The following TDRD9 variants were observed in gnomAD, a reference collection of about 807,000 sequenced individuals.
TDRD9 encodes the protein tudor domain containing 9.
In TDRD9, 124 loss-of-function variants were observed where a neutral mutation model predicts 172.6. The ratio of observed to expected loss-of-function variants is 0.72; its 90% CI spans 0.62 to 0.83. TDRD9 has a LOEUF of 0.83. Among genes scored for constraint, TDRD9 ranks in the 40% least tolerant of loss-of-function variants. The probability of loss-of-function intolerance (pLI) is 0.00; values close to 1 mark genes in which losing one functional copy is unlikely to be tolerated. For synonymous variants in TDRD9, 619 were observed against 617.1 expected (o/e 1.00, Z -0.05); for missense variants, 1,479 against 1,714.1 (o/e 0.86, Z 2.42).
At chr14:103,962,511 G>A (rs1308087144) in intron 2 of TDRD9, among the ~76,000 whole-genome samples, 1 of 152,170 alleles carries the variant, frequency 6.6e-6, no homozygotes, top group African/African-American at 2.4e-5. Context: ...TTAGATTCGG[G>A]GGTGCATGTT....
Position 104,035,199 on chromosome 14 carries a change from T to C in TDRD9, c.3716+143T>C. 2.7e-5 allele frequency: 17 copies of C among 620,414 alleles called. No individual in the cohort carries two copies. The South Asian group carries it at 3.1e-4, about 11-fold the overall frequency. The allele number at this position is 620,414 out of a possible 1,614,324, so 38.4% of individuals were successfully genotyped here. A position where few individuals can be genotyped will look rare whatever the true frequency, so the allele number is the denominator to read the frequency against. ...GTCTCGCTGCTTGGGGTGAAGCCTGTATTGTTATTGATTTATTTATGCTTG... is the reference window on the plus strand; with the variant it reads ...GTCTCGCTGCTTGGGGTGAAGCCTGCATTGTTATTGATTTATTTATGCTTG... On this transcript the variant is annotated intron_variant, in intron 32 of 35. Coordinates refer to ENST00000409874, the MANE Select transcript of TDRD9 (RefSeq NM_153046.3).
chr14:103,950,388 C>G (rs1424659584), intron 1 of TDRD9, among the ~76,000 whole-genome samples: 3 of 152,214 alleles, frequency 2.0e-5, no homozygotes, highest in Non-Finnish European at 4.4e-5. Context: ...CCGCATACGG[C>G]CGGTTTCTAT....
chr14:104,006,928 G>T, intron 18 of TDRD9, 83 bp downstream of exon 18: 2 of 1,209,286 alleles, frequency 1.7e-6, no homozygotes, highest in Non-Finnish European at 2.4e-6. Flanking sequence ...ATGAGGTAGA[G>T]ACAGACAATG....
Position 103,969,122 on chromosome 14 carries a change from A to AT in TDRD9, c.766-1419_766-1418insT, listed in dbSNP as rs1566747677. Among the ~76,000 whole-genome samples, 4 of 147,532 alleles carry AT rather than the reference A, an allele frequency of 2.7e-5. No homozygotes were observed. In the East Asian group the frequency reaches 7.8e-4, roughly 29 times the overall value. ...GTAAAAAAAAAAAAGCAAAAAAAAAACCCCCCAAAAAAAACTAGCTTTAAG... is the reference window on the plus strand; with the variant it reads ...GTAAAAAAAAAAAAGCAAAAAAAAAATCCCCCCAAAAAAAACTAGCTTTAAG... On this transcript the variant is annotated intron_variant, in intron 5 of 35. Coordinates refer to ENST00000409874, the MANE Select transcript of TDRD9 (RefSeq NM_153046.3).
chr14:103,994,375 G>A lies in TDRD9; in HGVS notation c.1224G>A (p.Leu408=), dbSNP rs763901531. 2.5e-6 allele frequency: 4 copies of A among 1,613,462 alleles called. No individual in the cohort carries two copies. Among genetic ancestry groups the A allele is most frequent in the Non-Finnish European group, 3.4e-6 (4 of 1,179,682 alleles). ...ATATGCATGAACTTCTCACAAGCCT[G>A]GTTCATAAAAGGTATGTTGAAAATG... The part of the protein sequence containing the change: ...INYMHELLTS[L]VHKRLQVYPL... The change falls in exon 10 of 36, where the codon CTG becomes CTA. Residue 408 remains leucine (L), a synonymous_variant. Coordinates refer to ENST00000409874, the MANE Select transcript of TDRD9 (RefSeq NM_153046.3).
intron 20 of TDRD9, 96 bp downstream of exon 20, chr14:104,008,562 A>G (rs2034517320): frequency 1.2e-6 from 1 of 800,536 alleles, no homozygotes; most frequent in Non-Finnish European, 2.1e-6. Context: ...GTGGGTAGTA[A>G]TGAGTATTCC....
intron 15 of TDRD9, among the ~76,000 whole-genome samples, chr14:104,005,853 C>A (rs141626502): frequency 2.0e-5 from 3 of 152,178 alleles, no homozygotes; most frequent in Non-Finnish European, 4.4e-5. Context: ...TGCTCTGTTG[C>A]CTAGGCTGGA....
At chr14:104,025,457 G>A in intron 25 of TDRD9, 107 bp from the exon 26 acceptor site, 1 of 780,104 alleles carries the variant, frequency 1.3e-6, no homozygotes, top group Non-Finnish European at 2.1e-6. Flanking sequence ...ATTAACGCTG[G>A]TGAGGTGTCG....
intron 12 of TDRD9, 136 bp from the exon 13 acceptor site, chr14:103,998,488 G>A (rs913773861): frequency 2.6e-5 from 16 of 623,194 alleles, no homozygotes; most frequent in South Asian, 8.1e-5. Context: ...TGGTCGGTGC[G>A]TGGCCAAACG....
At chr14:104,016,655 A>G (rs1241047634) in intron 22 of TDRD9, among the ~76,000 whole-genome samples, 3 of 152,310 alleles carry the variant, frequency 2.0e-5, no homozygotes, top group Middle Eastern at 3.4e-3. Flanking sequence ...GGCCCTGACC[A>G]TTGAATCAGC....
chr14:103,984,716 C>T (rs964289950), intron 7 of TDRD9, among the ~76,000 whole-genome samples: 1 of 152,170 alleles, frequency 6.6e-6, no homozygotes, highest in African/African-American at 2.4e-5. Context: ...AACTGGGGCA[C>T]CACCTAATGG....
At chr14:104,001,982 T>G (rs2034274868) in intron 13 of TDRD9, among the ~76,000 whole-genome samples, 1 of 151,904 alleles carries the variant, frequency 6.6e-6, no homozygotes, top group Non-Finnish European at 1.5e-5. Context: ...ATGAGCAATG[T>G]GTGAGATCTG....
chr14:104,035,045 G>GA lies in TDRD9; in HGVS notation c.3706dup (p.Ile1236AsnfsTer6). ...TCCTCAGCATGTTATTCGCACCGGT[G>GA]ATAGAGTTAAGGTACGGGCATCCCT... On this transcript the variant is annotated frameshift_variant, in exon 32 of 36. Coordinates refer to ENST00000409874, the MANE Select transcript of TDRD9 (RefSeq NM_153046.3). LOFTEE classifies it high-confidence loss of function. 6.4e-7 allele frequency: 1 copy of GA among 1,551,552 alleles called. No individual in the cohort carries two copies. The highest frequency in any genetic ancestry group is 8.7e-7 in the Non-Finnish European group (1 of 1,146,846).
chr14:103,991,139 T>C, intron 8 of TDRD9, 21 bp from the exon 9 acceptor site: 2 of 1,613,928 alleles, frequency 1.2e-6, no homozygotes, highest in Non-Finnish European at 1.7e-6. Context: ...TTAATATTTG[T>C]GCACATCACA....
intron 13 of TDRD9, among the ~76,000 whole-genome samples, chr14:104,001,633 G>A (rs1000239944): frequency 6.6e-5 from 10 of 152,070 alleles, no homozygotes; most frequent in South Asian, 4.1e-4. Context: ...GTTTTGACAC[G>A]GAGTCTCACT....
rs1281908134 is a variant in TDRD9, at chr14:104,042,141, G to C, written c.3928G>C (p.Glu1310Gln). 4 of 1,613,754 alleles carry C rather than the reference G, an allele frequency of 2.5e-6. No homozygotes were observed. The highest frequency in any genetic ancestry group is 3.4e-6 in the Non-Finnish European group (4 of 1,179,644). ...AAATGGATGCAAGTGTCTTGGGCCA[G>C]AGAGAGTTGCGCAGCTTCAAGACAT... The part of the protein sequence containing the change: ...GPNGCKCLGP[E>Q]RVAQLQDIAR... The change falls in exon 34 of 36, where the codon GAG (glutamate) becomes CAG (glutamine). Residue 1310 changes from glutamate (E) to glutamine (Q), a missense_variant. Glu to Gln is a conservative substitution (Grantham distance 29, BLOSUM62 2). Coordinates refer to ENST00000409874, the MANE Select transcript of TDRD9 (RefSeq NM_153046.3).
intron 19 of TDRD9, 136 bp from the exon 20 acceptor site, chr14:104,008,277 G>C: frequency 1.7e-6 from 1 of 590,434 alleles, no homozygotes; most frequent in Non-Finnish European, 3.0e-6. Context: ...TGGAGAGGGA[G>C]TGCCACTGTC....
intron 7 of TDRD9, among the ~76,000 whole-genome samples, chr14:103,976,381 C>A (rs1310566419): frequency 2.0e-5 from 3 of 151,816 alleles, no homozygotes; most frequent in Admixed American, 6.6e-5. Flanking sequence ...TCACACCATT[C>A]TCCTGCCTCA....
At position 103,932,549 on chromosome 14, in the gene TDRD9, G is replaced by A. The variant is rs1022986084; in HGVS notation, c.215+3825G>A. Among the ~76,000 whole-genome samples, 6 of 152,078 alleles carry A rather than the reference G, an allele frequency of 3.9e-5. No individual in the cohort carries two copies. The East Asian group carries it at 5.8e-4, about 15-fold the overall frequency. On this transcript the variant is annotated intron_variant, in intron 1 of 35. Coordinates refer to ENST00000409874, the MANE Select transcript of TDRD9 (RefSeq NM_153046.3). ...ACTACAGGCGCCCGCCACCACAGCC[G>A]GCTAATTTTTTGTATTTTTAGTAGA...
Sources: allele counts gnomAD v4.1 joint callset (sites outside exome capture counted in the v4.1 genomes callset), GRCh38; gene constraint gnomAD v4.1.1; transcripts MANE v1.5; gene names NCBI Gene and HGNC (gene_info 2026-07-23, HGNC 2026-07-21).